The following PTPRG variants were observed in gnomAD, a reference collection of about 807,000 sequenced individuals.
The protein encoded by PTPRG is receptor-type tyrosine-protein phosphatase gamma.
PTPRG carries 102 observed loss-of-function variants against 165.3 expected under a neutral mutation model. That is an observed-to-expected ratio of 0.62 (90% confidence interval 0.53 to 0.73). The LOEUF is 0.73. Among genes scored for constraint, PTPRG ranks in the 30% least tolerant of loss-of-function variants. The probability of loss-of-function intolerance (pLI) is 0.00; values close to 1 mark genes in which losing one functional copy is unlikely to be tolerated. For missense variants in PTPRG, 1,866 were observed against 1,861.4 expected (o/e 1.00, Z -0.05); for synonymous variants, 675 against 669.5 (o/e 1.01, Z -0.13).
chr3:62,061,926 A>G (rs1331442059), intron 4 of PTPRG, among the ~76,000 whole-genome samples: 1 of 150,990 alleles, frequency 6.6e-6, no homozygotes, highest in Non-Finnish European at 1.5e-5. Context: ...CACTGCGCCC[A>G]GCTGCCTGGC....
intron 1 of PTPRG, among the ~76,000 whole-genome samples, chr3:61,745,898 T>C (rs925283676): frequency 9.9e-5 from 15 of 152,200 alleles, no homozygotes; most frequent in African/African-American, 3.6e-4. Context: ...GAGGATCTTC[T>C]TTGGTACAAA....
At chr3:62,090,593 G>T (rs1298767492) in intron 5 of PTPRG, among the ~76,000 whole-genome samples, 2 of 152,110 alleles carry the variant, frequency 1.3e-5, no homozygotes, top group African/African-American at 4.8e-5. Flanking sequence ...GATCAGACAG[G>T]TAAAATCCCA....
At chr3:61,879,831 G>T (rs1400803746) in intron 2 of PTPRG, among the ~76,000 whole-genome samples, 3 of 152,140 alleles carry the variant, frequency 2.0e-5, no homozygotes, top group Admixed American at 6.6e-5. Flanking sequence ...TCTACTATCT[G>T]TATGTATATT....
chr3:61,742,488 C>G (rs758726727), intron 1 of PTPRG: 1 of 1,590,270 alleles, frequency 6.3e-7, no homozygotes, highest in African/African-American at 1.4e-5. Context: ...CCATGGTGCT[C>G]TCGATATATA....
At chr3:61,969,744 G>A (rs1248090065) in intron 2 of PTPRG, among the ~76,000 whole-genome samples, 2 of 152,126 alleles carry the variant, frequency 1.3e-5, no homozygotes, top group Admixed American at 6.5e-5. Flanking sequence ...CCTATCAGCT[G>A]CATATGTCCA....
chr3:62,000,475 GAA>G (rs1232714437), intron 3 of PTPRG, among the ~76,000 whole-genome samples: 1 of 152,134 alleles, frequency 6.6e-6, no homozygotes, highest in African/African-American at 2.4e-5. Flanking sequence ...TCCAGAGAGA[GAA>G]GCATCCAGAG....
chr3:61,974,145 A>G (rs2107665527), intron 2 of PTPRG, among the ~76,000 whole-genome samples: 1 of 152,250 alleles, frequency 6.6e-6, no homozygotes, highest in East Asian at 1.9e-4. Context: ...ATTGTTTTAA[A>G]CTATTTTTTA....
At chr3:61,966,193 G>A (rs945877973) in intron 2 of PTPRG, among the ~76,000 whole-genome samples, 3 of 152,144 alleles carry the variant, frequency 2.0e-5, no homozygotes, top group Non-Finnish European at 4.4e-5. Context: ...GAATCATCTC[G>A]CATGCTTAAC....
chr3:62,093,482 G>A (rs1301395651), intron 5 of PTPRG, among the ~76,000 whole-genome samples: 1 of 152,228 alleles, frequency 6.6e-6, no homozygotes, highest in Admixed American at 6.5e-5. Flanking sequence ...AATCTCACAG[G>A]TGGAGGGGAG....
intron 7 of PTPRG, among the ~76,000 whole-genome samples, chr3:62,159,859 T>C (rs1704680517): frequency 6.6e-6 from 1 of 152,228 alleles, no homozygotes; most frequent in Non-Finnish European, 1.5e-5. Flanking sequence ...CCAAACTGGA[T>C]CCTTGCTGGC....
At chr3:61,843,204 T>C (rs1465284261) in intron 2 of PTPRG, among the ~76,000 whole-genome samples, 1 of 152,206 alleles carries the variant, frequency 6.6e-6, no homozygotes, top group Non-Finnish European at 1.5e-5. Context: ...AGTTAATCTA[T>C]AGCCCATCTG....
chr3:62,219,062 G>A lies in PTPRG; in HGVS notation c.2288+79G>A, dbSNP rs572148519. The A allele has an allele frequency of 5.4e-5, 83 of 1,542,856 alleles. 2 individuals carry two copies. The Admixed American group carries it at 9.2e-4, about 17-fold the overall frequency. ...TTTGCTCACGGGAGGGGAATCCCAC[G>A]GCCTCTGCATTCAGGAAGGTGAGGT... On this transcript the variant is annotated intron_variant, in intron 13 of 29. Coordinates refer to ENST00000474889, the MANE Select transcript of PTPRG (RefSeq NM_002841.4). This position sits in a 1 kb window ranked among gnomAD's most constrained non-coding sequence, Gnocchi z 4.5.
At chr3:61,665,174 G>A (rs1451596397) in intron 1 of PTPRG, among the ~76,000 whole-genome samples, 1 of 152,294 alleles carries the variant, frequency 6.6e-6, no homozygotes, top group East Asian at 1.9e-4. Context: ...CACCACACAA[G>A]CTCCTGCCTT....
Position 62,251,092 on chromosome 3 carries a change from T to TA in PTPRG, c.2468-4030dup, listed in dbSNP as rs1701403820. Among the ~76,000 whole-genome samples the TA allele has an allele frequency of 2.0e-5, 3 of 152,304 alleles. No homozygotes were observed. In the South Asian group the frequency reaches 6.2e-4, roughly 32 times the overall value. The stretch of plus-strand genomic sequence containing the variant: ...AAACCTTTGGTATCTGAAAATTTTG[T>TA]AAGTACAAATAGTGGCTGAGTAAAG... On this transcript the variant is annotated intron_variant, in intron 15 of 29. Transcript: ENST00000474889.
chr3:62,010,936 TTAGGCACG>T (rs1324485237), intron 4 of PTPRG, among the ~76,000 whole-genome samples: 1 of 152,082 alleles, frequency 6.6e-6, no homozygotes, highest in African/African-American at 2.4e-5. Context: ...CCAGGAAAAA[TTAGGCACG>T]TGGACACCAG....
intron 2 of PTPRG, among the ~76,000 whole-genome samples, chr3:61,808,380 C>G (rs652889): frequency 6.6e-6 from 1 of 151,858 alleles, no homozygotes; most frequent in Non-Finnish European, 1.5e-5. Flanking sequence ...GAACTTTGTA[C>G]GTGGCACTCA....
intron 1 of PTPRG, among the ~76,000 whole-genome samples, chr3:61,701,717 C>T (rs1406174759): frequency 1.3e-5 from 2 of 151,996 alleles, no homozygotes; most frequent in African/African-American, 2.4e-5. Context: ...GGCAACATGG[C>T]GAAACCTCAC....
At chr3:62,123,004 T>C (rs763807295) in intron 5 of PTPRG, among the ~76,000 whole-genome samples, 8 of 152,192 alleles carry the variant, frequency 5.3e-5, no homozygotes, top group Non-Finnish European at 1.0e-4. Flanking sequence ...TCTATTCCGC[T>C]ACTCAGTTCT....
intron 2 of PTPRG, among the ~76,000 whole-genome samples, chr3:61,941,307 G>C (rs1575807320): frequency 6.6e-6 from 1 of 152,220 alleles, no homozygotes; most frequent in African/African-American, 2.4e-5. Context: ...GATAATCTCA[G>C]AGAGTCAGAT....
Sources: allele counts gnomAD v4.1 joint callset (sites outside exome capture counted in the v4.1 genomes callset), GRCh38; gene constraint gnomAD v4.1.1; non-coding constraint Gnocchi (gnomAD v3.1); transcripts MANE v1.5; gene names NCBI Gene and HGNC (gene_info 2026-07-23, HGNC 2026-07-21).